PXDNL: variants seen among roughly 807,000 people sequenced by gnomAD.
The protein encoded by PXDNL is probable oxidoreductase PXDNL.
PXDNL carries 145 observed loss-of-function variants against 150.8 expected under a neutral mutation model. The observed-to-expected ratio is 0.96, with a 90% CI of 0.84 to 1.10. PXDNL has a LOEUF of 1.10. Among genes scored for constraint, PXDNL ranks in the 50% least tolerant of loss-of-function variants. PXDNL has a pLI of 0.00. For missense variants in PXDNL, 2,087 were observed against 1,873.9 expected (o/e 1.11, Z -2.10); for synonymous variants, 757 against 725.7 (o/e 1.04, Z -0.69).
chr8:51,689,876 C>T (rs376380773), intron 1 of PXDNL, among the ~76,000 whole-genome samples: 2 of 152,220 alleles, frequency 1.3e-5, no homozygotes, highest in East Asian at 3.9e-4. Context: ...CTGATAAATA[C>T]GAGCCTTCGG....
At chr8:51,364,768 T>G (rs917091364) in intron 19 of PXDNL, among the ~76,000 whole-genome samples, 21 of 152,190 alleles carry the variant, frequency 1.4e-4, no homozygotes, top group African/African-American at 5.1e-4. Context: ...TGCCATCGGT[T>G]ATGGAGAAAA....
intron 12 of PXDNL, among the ~76,000 whole-genome samples, chr8:51,427,257 C>A (rs1285867507): frequency 6.6e-6 from 1 of 152,048 alleles, no homozygotes; most frequent in African/African-American, 2.4e-5. Context: ...CCTTAAAACT[C>A]CCCAAATAAG....
intron 2 of PXDNL, among the ~76,000 whole-genome samples, chr8:51,612,393 A>G (rs2130717027): frequency 1.3e-5 from 2 of 152,234 alleles, no homozygotes; most frequent in East Asian, 3.9e-4. Flanking sequence ...CGAAAAGCCC[A>G]CAGTTCATGC....
chr8:51,454,717 A>G (rs1173996951), intron 9 of PXDNL, among the ~76,000 whole-genome samples: 1 of 152,224 alleles, frequency 6.6e-6, no homozygotes, highest in East Asian at 1.9e-4. Context: ...ATCCAATTCA[A>G]CAATAAATGT....
At chr8:51,539,283 T>C (rs1041697227) in intron 4 of PXDNL, among the ~76,000 whole-genome samples, 2 of 152,130 alleles carry the variant, frequency 1.3e-5, no homozygotes, top group African/African-American at 4.8e-5. Flanking sequence ...GTTTTTCGAA[T>C]GATAAACTAA....
chr8:51,464,148 A>G (rs2392903), intron 8 of PXDNL, among the ~76,000 whole-genome samples: 31,242 of 151,956 alleles, frequency 0.21, 4,316 homozygotes, highest in African/African-American at 0.39. Context: ...AGGACTTTTT[A>G]AGCCCAGGAG....
At chr8:51,699,610 C>G (rs188736071) in intron 1 of PXDNL, among the ~76,000 whole-genome samples, 108 of 152,274 alleles carry the variant, frequency 7.1e-4, no homozygotes, top group East Asian at 1.9e-3. Context: ...CTTGGCTGTT[C>G]GGCACAAGAG....
chr8:51,596,591 A>C (rs2130666740), intron 2 of PXDNL, among the ~76,000 whole-genome samples: 1 of 152,242 alleles, frequency 6.6e-6, no homozygotes, highest in East Asian at 1.9e-4. Flanking sequence ...AATAATAGCC[A>C]TTCTGACTAT....
At chr8:51,379,129 C>T (rs763032559) in intron 17 of PXDNL, among the ~76,000 whole-genome samples, 2 of 152,016 alleles carry the variant, frequency 1.3e-5, no homozygotes, top group Non-Finnish European at 2.9e-5. Flanking sequence ...TTCTTTTTCC[C>T]AATCCACAAA....
chr8:51,618,945 A>G (rs1489455343), intron 2 of PXDNL, among the ~76,000 whole-genome samples: 6 of 152,200 alleles, frequency 3.9e-5, no homozygotes, highest in Non-Finnish European at 7.4e-5. Flanking sequence ...GTATTTCTTT[A>G]TATTTCAAGA....
chr8:51,617,702 T>C (rs1383157014), intron 2 of PXDNL, among the ~76,000 whole-genome samples: 1 of 152,226 alleles, frequency 6.6e-6, no homozygotes, highest in Non-Finnish European at 1.5e-5. Flanking sequence ...TTTTACAAAA[T>C]GTCTGTAGCA....
chr8:51,727,246 A>G (rs554375527), intron 1 of PXDNL, among the ~76,000 whole-genome samples: 12 of 152,316 alleles, frequency 7.9e-5, no homozygotes, highest in African/African-American at 2.2e-4. Context: ...ACTAAAGAGC[A>G]TGGCATTTTG....
chr8:51,806,390 T>C (rs375256179), intron 1 of PXDNL, among the ~76,000 whole-genome samples: 469 of 152,282 alleles, frequency 3.1e-3, no homozygotes, highest in African/African-American at 0.011. Flanking sequence ...ACAAAAACTA[T>C]TGGTTCTGCT....
At chr8:51,365,526 C>T (rs548698993) in intron 19 of PXDNL, among the ~76,000 whole-genome samples, 2 of 152,290 alleles carry the variant, frequency 1.3e-5, no homozygotes, top group Admixed American at 1.3e-4. Flanking sequence ...ATACTCCAAG[C>T]TCTTGGTATT....
intron 10 of PXDNL, among the ~76,000 whole-genome samples, chr8:51,452,293 G>A (rs890416303): frequency 8.5e-5 from 13 of 152,132 alleles, no homozygotes; most frequent in Admixed American, 4.6e-4. Context: ...TAACGTTTGG[G>A]TCCTTTAAAA....
intron 2 of PXDNL, among the ~76,000 whole-genome samples, chr8:51,613,516 C>G (rs1385025271): frequency 2.0e-5 from 3 of 151,252 alleles, no homozygotes; most frequent in East Asian, 3.9e-4. Flanking sequence ...AGGGGGAAGA[C>G]AAGCTTGCAG....
At position 51,473,274 on chromosome 8, in the gene PXDNL, A is replaced by AACACACACACACACACACACACAC. The variant is rs1164131411; in HGVS notation, c.695-994_695-971dup. Among the ~76,000 whole-genome samples, 675 of 134,010 alleles carry AACACACACACACACACACACACAC rather than the reference A, an allele frequency of 5.0e-3. 4 individuals carry two copies. The highest frequency in any genetic ancestry group is 8.1e-3 in the Non-Finnish European group (513 of 63,038). The allele number at this position is 134,010 out of a possible 152,430, so 87.9% of individuals were successfully genotyped here. A position where few individuals can be genotyped will look rare whatever the true frequency, so the allele number is the denominator to read the frequency against. ...AGTTTCATTGAAGCAGTAGAAAATA[A>AACACACACACACACACACACACAC]ACACACACACACACACACACACACA... On this transcript the variant is annotated intron_variant, in intron 7 of 22. Transcript: ENST00000356297.
At position 51,684,313 on chromosome 8, in the gene PXDNL, C is replaced by T. The variant is rs142406999; in HGVS notation, c.165-29553G>A. ...TTAAGTATTCCATCGTCACCATGAA[C>T]ATGTGTCCCAGCGCAAAGTAGTCTG... On this transcript the variant is annotated intron_variant, in intron 1 of 22. Transcript: ENST00000356297. 1.5e-3 allele frequency among the ~76,000 whole-genome samples: 234 copies of T among 152,346 alleles called. 1 individual carries two copies. Among genetic ancestry groups the T allele is most frequent in the African/African-American group, 5.4e-3 (226 of 41,594 alleles).
intron 1 of PXDNL, among the ~76,000 whole-genome samples, chr8:51,758,694 G>A (rs979064740): frequency 6.6e-6 from 1 of 152,180 alleles, no homozygotes; most frequent in African/African-American, 2.4e-5. Flanking sequence ...TTGTGAAGAA[G>A]GTGCCTTCCC....
Sources: allele counts gnomAD v4.1 joint callset (sites outside exome capture counted in the v4.1 genomes callset), GRCh38; gene constraint gnomAD v4.1.1; transcripts MANE v1.5; gene names NCBI Gene and HGNC (gene_info 2026-07-23, HGNC 2026-07-21).